The following DYNC1I1 variants were observed in gnomAD, a reference collection of about 807,000 sequenced individuals.
DYNC1I1 encodes cytoplasmic dynein 1 intermediate chain 1.
DYNC1I1 carries 43 observed loss-of-function variants against 86.6 expected under a neutral mutation model. The ratio of observed to expected loss-of-function variants is 0.50; its 90% CI spans 0.39 to 0.64. The LOEUF (loss-of-function observed/expected upper bound fraction) is 0.64. DYNC1I1 is among the 30% of genes least tolerant of loss of function. DYNC1I1 has a pLI of 0.00. For synonymous variants in DYNC1I1, 262 were observed against 283.7 expected, an observed-to-expected ratio of 0.92 and a Z score of 0.77; for missense variants, 604 against 788.8, an observed-to-expected ratio of 0.77 and a Z score of 2.81.
At chr7:96,039,195 G>A in intron 13 of DYNC1I1, 82 bp from the exon 14 acceptor site, 3 of 1,479,780 alleles carry the variant, frequency 2.0e-6, no homozygotes, top group Admixed American at 4.6e-5. Flanking sequence ...AGAGTTGAGG[G>A]TTTTTTGTTT....
intron 10 of DYNC1I1, among the ~76,000 whole-genome samples, chr7:96,018,836 T>C (rs1329257019): frequency 6.6e-6 from 1 of 152,176 alleles, no homozygotes; most frequent in African/African-American, 2.4e-5. Flanking sequence ...AAGGGAAATA[T>C]CCAGACCTAC....
chr7:95,849,180 T>G (rs1789514116), intron 5 of DYNC1I1, among the ~76,000 whole-genome samples: 2 of 152,182 alleles, frequency 1.3e-5, no homozygotes. Context: ...CATTGTCTCT[T>G]TATTCTGTTG....
At chr7:95,833,770 TTGTC>T (rs1252420617) in intron 5 of DYNC1I1, among the ~76,000 whole-genome samples, 1 of 132,392 alleles carries the variant, frequency 7.6e-6, no homozygotes, top group African/African-American at 2.9e-5. Context: ...GGCTCTCTGT[TTGTC>T]TGTTGTTGGT....
At chr7:95,967,480 C>T (rs1358119636) in intron 6 of DYNC1I1, among the ~76,000 whole-genome samples, 2 of 152,120 alleles carry the variant, frequency 1.3e-5, no homozygotes, top group Non-Finnish European at 2.9e-5. Flanking sequence ...GCCTAGGTTG[C>T]TCTCCCACAG....
chr7:95,999,587 C>T (rs1793959606), intron 10 of DYNC1I1, among the ~76,000 whole-genome samples: 1 of 152,182 alleles, frequency 6.6e-6, no homozygotes, highest in African/African-American at 2.4e-5. Context: ...CTGCACACGG[C>T]CTCAGCTGCC....
intron 6 of DYNC1I1, among the ~76,000 whole-genome samples, chr7:95,917,679 G>A (rs1584158033): frequency 6.6e-6 from 1 of 152,194 alleles, no homozygotes; most frequent in Non-Finnish European, 1.5e-5. Context: ...TTGTGATGGC[G>A]TCAGTTTGTG....
At chr7:95,791,702 T>C (rs1024612228) in intron 1 of DYNC1I1, among the ~76,000 whole-genome samples, 1 of 152,344 alleles carries the variant, frequency 6.6e-6, no homozygotes, top group African/African-American at 2.4e-5. Context: ...AATTATAAAT[T>C]AATGGATTTT....
intron 6 of DYNC1I1, among the ~76,000 whole-genome samples, chr7:95,899,774 A>G (rs967588035): frequency 1.3e-5 from 2 of 152,200 alleles, no homozygotes; most frequent in Non-Finnish European, 2.9e-5. Flanking sequence ...AAGAAAAATT[A>G]CATCACTAGA....
chr7:96,062,834 C>T (rs1245734627), intron 14 of DYNC1I1, among the ~76,000 whole-genome samples: 2 of 152,146 alleles, frequency 1.3e-5, no homozygotes, highest in Non-Finnish European at 2.9e-5. Flanking sequence ...AACTCCGGTG[C>T]AGAAGACTTC....
At chr7:95,774,715 G>C (rs919527662) in intron 1 of DYNC1I1, among the ~76,000 whole-genome samples, 1 of 152,104 alleles carries the variant, frequency 6.6e-6, no homozygotes, top group African/African-American at 2.4e-5. Flanking sequence ...TTTAATAAAT[G>C]AGCCTTGCCT....
chr7:96,025,380 T>A (rs764779679), intron 10 of DYNC1I1, among the ~76,000 whole-genome samples: 7 of 151,942 alleles, frequency 4.6e-5, no homozygotes, highest in Non-Finnish European at 1.0e-4. Context: ...GAGCTTAAGA[T>A]ATAAGTGAAA....
chr7:96,065,378 C>CTTTTTTT (rs34423655), intron 14 of DYNC1I1, among the ~76,000 whole-genome samples: 12 of 127,574 alleles, frequency 9.4e-5, no homozygotes, highest in East Asian at 2.3e-4. Context: ...TTCTTTCTTT[C>CTTTTTTT]TTTTTTTTTT....
At chr7:95,995,261 TAA>T (rs1793835707) in intron 9 of DYNC1I1, among the ~76,000 whole-genome samples, 2 of 150,082 alleles carry the variant, frequency 1.3e-5, no homozygotes, top group African/African-American at 4.9e-5. Flanking sequence ...AATAAATAAA[TAA>T]ATAAATAAAT....
intron 14 of DYNC1I1, among the ~76,000 whole-genome samples, chr7:96,064,510 A>G (rs1017808205): frequency 1.6e-4 from 24 of 152,256 alleles, no homozygotes; most frequent in African/African-American, 5.5e-4. Context: ...GTGGTGTTCA[A>G]ACATGCTGAA....
intron 6 of DYNC1I1, among the ~76,000 whole-genome samples, chr7:95,901,802 G>A (rs1791042814): frequency 6.6e-6 from 1 of 152,136 alleles, no homozygotes; most frequent in South Asian, 2.1e-4. Context: ...TTAAGGGTTG[G>A]CCAAACACCT....
At chr7:96,085,165 G>T (rs1387304835) in intron 16 of DYNC1I1, among the ~76,000 whole-genome samples, 1 of 152,130 alleles carries the variant, frequency 6.6e-6, no homozygotes, top group Non-Finnish European at 1.5e-5. Flanking sequence ...CTGCTGCAGG[G>T]AGCCCCAGCT....
intron 2 of DYNC1I1, among the ~76,000 whole-genome samples, chr7:95,808,956 G>T (rs1191027681): frequency 6.6e-6 from 1 of 152,012 alleles, no homozygotes; most frequent in East Asian, 1.9e-4. Context: ...CATAAACTTT[G>T]GGACTTGTTT....
intron 6 of DYNC1I1, among the ~76,000 whole-genome samples, chr7:95,916,753 CA>C (rs559620410): frequency 6.6e-6 from 1 of 152,096 alleles, no homozygotes; most frequent in African/African-American, 2.4e-5. Context: ...GCACGCTGCA[CA>C]AAAAATGGCC....
rs546345456 is a variant in DYNC1I1, at chr7:96,049,905, T to C, written c.1509+10484T>C. Among the ~76,000 whole-genome samples, 11 of 152,006 alleles carry C rather than the reference T, an allele frequency of 7.2e-5. No individual in the cohort carries two copies. The South Asian group carries it at 2.1e-3, about 29-fold the overall frequency. On this transcript the variant is annotated intron_variant, in intron 14 of 16. Transcript: ENST00000447467. ...AAAATTAGCCACGCATGATGGCTCATGCCTGTAGTACCAGCTACTCAGGAG... is the reference window on the plus strand; with the variant it reads ...AAAATTAGCCACGCATGATGGCTCACGCCTGTAGTACCAGCTACTCAGGAG...
Sources: gnomAD v4.1 joint callset for allele counts (sites outside exome capture counted in the v4.1 genomes callset) on GRCh38, gnomAD v4.1.1 for gene constraint, MANE v1.5 for transcripts, NCBI Gene and HGNC (gene_info 2026-07-23, HGNC 2026-07-21) for gene names.